FIG4: variants seen among roughly 807,000 people sequenced by gnomAD.
The protein encoded by FIG4 is FIG4 phosphoinositide 5-phosphatase.
In FIG4, 112 loss-of-function variants were observed where a neutral mutation model predicts 118.6. The ratio of observed to expected loss-of-function variants is 0.94; its 90% confidence interval spans 0.81 to 1.11. The LOEUF is 1.11. Ranked by LOEUF, FIG4 falls within the 50% of genes least tolerant of loss-of-function variation. The pLI is 0.00. For synonymous variants in FIG4, 369 were observed against 381.2 expected (o/e 0.97, Z 0.37); for missense variants, 969 against 1,111.7 (o/e 0.87, Z 1.83).
chr6:109,738,484 TA>T, intron 7 of FIG4, 31 bp downstream of exon 7: 1 of 1,592,678 alleles, frequency 6.3e-7, no homozygotes. Flanking sequence ...GTAAGATACA[TA>T]TTACTAAACT....
At chr6:109,791,042 A>G (rs1341407692) in intron 19 of FIG4, among the ~76,000 whole-genome samples, 4 of 152,232 alleles carry the variant, frequency 2.6e-5, no homozygotes, top group East Asian at 1.9e-4. Flanking sequence ...CCAAACATAC[A>G]GTCTTCTATA....
chr6:109,756,835 GTTTAAATT>G (rs1287161206), intron 10 of FIG4, among the ~76,000 whole-genome samples: 2 of 152,006 alleles, frequency 1.3e-5, no homozygotes, highest in Non-Finnish European at 2.9e-5. Flanking sequence ...TTATACATTC[GTTTAAATT>G]TTTTTCAAAG....
chr6:109,699,484 GTTTTTTTTTGTTTGT>G (rs1304377992), intron 1 of FIG4, among the ~76,000 whole-genome samples: 6 of 146,582 alleles, frequency 4.1e-5, no homozygotes, highest in African/African-American at 1.5e-4. Flanking sequence ...CTCATACGCG[GTTTTTTTTTGTTTGT>G]TTTTTTTTTG....
chr6:109,733,210 C>T (rs1040048274), intron 5 of FIG4, among the ~76,000 whole-genome samples: 1 of 152,084 alleles, frequency 6.6e-6, no homozygotes, highest in African/African-American at 2.4e-5. Flanking sequence ...ATACAACTCT[C>T]CATTGGTAAA....
intron 15 of FIG4, among the ~76,000 whole-genome samples, chr6:109,770,475 G>T (rs1011121849): frequency 3.9e-5 from 6 of 152,142 alleles, no homozygotes; most frequent in Non-Finnish European, 8.8e-5. Flanking sequence ...GATCTAAAGA[G>T]AAAAGCTCCC....
Position 109,726,590 on chromosome 6 carries a change from G to A in FIG4, c.290-519G>A, listed in dbSNP as rs551276880. Among the ~76,000 whole-genome samples the A allele has an allele frequency of 2.0e-5, 3 of 152,092 alleles. No individual in the cohort carries two copies. The South Asian group carries it at 6.2e-4, about 32-fold the overall frequency. ...ATTGTCTTGGTGTCTTGGCTATGAG[G>A]GCTCTTTTTTGGTTCCATATGAAAT... On this transcript the variant is annotated intron_variant, in intron 3 of 22. Transcript: ENST00000230124.
At chr6:109,819,005 A>G (rs183031285) in intron 22 of FIG4, among the ~76,000 whole-genome samples, 3 of 152,234 alleles carry the variant, frequency 2.0e-5, no homozygotes, top group African/African-American at 7.2e-5. Context: ...CTTCCCAGTT[A>G]TCCGTGTATA....
At chr6:109,735,100 A>G in intron 5 of FIG4, 50 bp from the exon 6 acceptor site, 2 of 1,537,008 alleles carry the variant, frequency 1.3e-6, no homozygotes, top group South Asian at 2.2e-5. Context: ...CAAGACCATG[A>G]AATATGCTTT....
Position 109,817,566 on chromosome 6 carries a change from T to TA in FIG4, c.2547-7522_2547-7521insA, listed in dbSNP as rs746536388. 4.8e-5 allele frequency among the ~76,000 whole-genome samples: 6 copies of TA among 125,810 alleles called. No individual in the cohort carries two copies. The South Asian group carries it at 8.3e-4, about 17-fold the overall frequency. The allele number at this position is 125,810 out of a possible 152,430, so 82.5% of individuals were successfully genotyped here. ...TTTATTTTACAGCTCTCAGAGAGTG[T>TA]GTAAAAAAAAAAAAAAAGAGTATAA... On this transcript the variant is annotated intron_variant, in intron 22 of 22. Coordinates refer to ENST00000230124, the MANE Select transcript of FIG4 (RefSeq NM_014845.6).
At chr6:109,714,672 T>C (rs2295835) in intron 1 of FIG4, among the ~76,000 whole-genome samples, 13,183 of 152,248 alleles carry the variant, frequency 0.087, 932 homozygotes, top group African/African-American at 0.19. Flanking sequence ...AGTTTTTTGA[T>C]AAGCTGTCAG....
rs202167631 is a variant in FIG4, at chr6:109,695,601, G to GACACACACACAC, written c.66+4112_66+4123dup. 8.3e-3 allele frequency among the ~76,000 whole-genome samples: 820 copies of GACACACACACAC among 99,332 alleles called. 7 individuals carry two copies. Among genetic ancestry groups the GACACACACACAC allele is most frequent in the African/African-American group, 0.028 (762 of 27,532 alleles). The allele number at this position is 99,332 out of a possible 152,430, so 65.2% of individuals were successfully genotyped here. A position where few individuals can be genotyped will look rare whatever the true frequency, so the allele number is the denominator to read the frequency against. On this transcript the variant is annotated intron_variant, in intron 1 of 22. Transcript: ENST00000230124. ...GAATACACACACACACACACACACA[G>GACACACACACAC]ACACACACACACACACACACACAAT...
At chr6:109,802,000 C>G (rs1472461140) in intron 22 of FIG4, among the ~76,000 whole-genome samples, 2 of 152,140 alleles carry the variant, frequency 1.3e-5, no homozygotes, top group African/African-American at 4.8e-5. Context: ...ATTAGAGCAG[C>G]TTGGAGGCAG....
chr6:109,765,236 T>A, intron 14 of FIG4, 75 bp downstream of exon 14: 1 of 1,247,202 alleles, frequency 8.0e-7, no homozygotes. Context: ...GATTTTTTTA[T>A]GAAAGCGTTT....
At chr6:109,793,311 A>G (rs771052383) in intron 21 of FIG4, among the ~76,000 whole-genome samples, 3 of 152,214 alleles carry the variant, frequency 2.0e-5, no homozygotes, top group Non-Finnish European at 4.4e-5. Context: ...TAGGTCCTGG[A>G]TGCTGGTGGG....
At chr6:109,708,519 CT>C (rs1562638959) in intron 1 of FIG4, among the ~76,000 whole-genome samples, 1 of 152,160 alleles carries the variant, frequency 6.6e-6, no homozygotes, top group Non-Finnish European at 1.5e-5. Flanking sequence ...ATATTTCTGT[CT>C]TTAGGTCTTA....
chr6:109,705,722 C>A lies in FIG4; in HGVS notation c.67-9356C>A, dbSNP rs1242949734. On this transcript the variant is annotated intron_variant, in intron 1 of 22. Coordinates refer to ENST00000230124, the MANE Select transcript of FIG4 (RefSeq NM_014845.6). ...AATCACAAACTGCCAAAGTATCATC[C>A]CATTGCAATTAATCTTTAGGTTTCG... 3.3e-5 allele frequency among the ~76,000 whole-genome samples: 5 copies of A among 152,132 alleles called. No homozygotes were observed. In the East Asian group the frequency reaches 9.6e-4, roughly 29 times the overall value.
At chr6:109,777,596 T>G (rs963548401) in intron 16 of FIG4, among the ~76,000 whole-genome samples, 2 of 152,182 alleles carry the variant, frequency 1.3e-5, no homozygotes, top group African/African-American at 2.4e-5. Flanking sequence ...AATTCCAATA[T>G]TCTCTCCTCC....
intron 22 of FIG4, among the ~76,000 whole-genome samples, chr6:109,820,790 A>G (rs1778983503): frequency 6.6e-6 from 1 of 152,076 alleles, no homozygotes; most frequent in Admixed American, 6.5e-5. Context: ...CCTACAGACA[A>G]CACTTACCTC....
At chr6:109,739,551 AC>A (rs1377650428) in intron 7 of FIG4, among the ~76,000 whole-genome samples, 1 of 152,076 alleles carries the variant, frequency 6.6e-6, no homozygotes, top group East Asian at 1.9e-4. Flanking sequence ...CAAAAAAGAA[AC>A]TTTTGCTTCT....
Sources: allele counts gnomAD v4.1 joint callset (sites outside exome capture counted in the v4.1 genomes callset), GRCh38; gene constraint gnomAD v4.1.1; transcripts MANE v1.5; gene names NCBI Gene and HGNC (gene_info 2026-07-23, HGNC 2026-07-21).